PCDH7: variants seen among roughly 807,000 people sequenced by gnomAD.
PCDH7 encodes the protein protocadherin-7.
In PCDH7, 17 loss-of-function variants were observed where a neutral mutation model predicts 58.9. The observed-to-expected ratio is 0.29, with a 90% confidence interval of 0.20 to 0.43. PCDH7 has a LOEUF of 0.43. Ranked by LOEUF, PCDH7 falls within the 20% of genes least tolerant of loss-of-function variation. PCDH7 has a pLI of 1.00. For missense variants in PCDH7, 1,274 were observed against 1,441.0 expected (o/e 0.88, Z 1.88); for synonymous variants, 664 against 616.4 (o/e 1.08, Z -1.14).
rs57657077 is a variant in PCDH7 at position 30,776,858 on chromosome 4, GGT to G, written c.70+52289_70+52290del. Among the ~76,000 whole-genome samples, 735 of 147,650 alleles carry G rather than the reference GGT, an allele frequency of 5.0e-3. 8 individuals are homozygous for G. The highest frequency in any genetic ancestry group is 0.015 in the African/African-American group (589 of 40,258). ...AAATATGATTATAATTTTGATATGT[GGT>G]GTGTGTGTGTGTGTGTGTGTGTGTG... On this transcript the variant is annotated intron_variant, in intron 1 of 3. Coordinates refer to the PCDH7 transcript ENST00000509759.
intron 1 of PCDH7, among the ~76,000 whole-genome samples, chr4:30,892,359 G>A (rs1738731822): frequency 6.6e-6 from 1 of 152,010 alleles, no homozygotes; most frequent in Non-Finnish European, 1.5e-5. Flanking sequence ...AGTAGACCAC[G>A]TGGAGAGATG....
At chr4:31,023,732 A>C (rs10939326) in intron 3 of PCDH7, among the ~76,000 whole-genome samples, 1 of 151,910 alleles carries the variant, frequency 6.6e-6, no homozygotes, top group African/African-American at 2.4e-5. Flanking sequence ...TTATTTTAGA[A>C]TTACAGAAGA....
chr4:30,874,749 T>A (rs1736082009), intron 1 of PCDH7, among the ~76,000 whole-genome samples: 1 of 152,002 alleles, frequency 6.6e-6, no homozygotes, highest in Non-Finnish European at 1.5e-5. Context: ...TATTATTCAT[T>A]TTATTTAGAG....
At chr4:30,783,328 A>G (rs1234336990) in intron 1 of PCDH7, 1 of 152,200 alleles carries the variant, frequency 6.6e-6, no homozygotes, top group Non-Finnish European at 1.5e-5. Flanking sequence ...TGGAAACTTA[A>G]CATCAATTTG....
At chr4:30,788,569 C>T (rs1723715068) in intron 1 of PCDH7, among the ~76,000 whole-genome samples, 1 of 151,972 alleles carries the variant, frequency 6.6e-6, no homozygotes, top group African/African-American at 2.4e-5. Flanking sequence ...TTATAAAATG[C>T]CTATATTTCC....
chr4:30,848,246 TTGAC>T (rs67332746), intron 1 of PCDH7, among the ~76,000 whole-genome samples: 2,173 of 152,204 alleles, frequency 0.014, 45 homozygotes, highest in African/African-American at 0.05. Flanking sequence ...TAGCTAAACT[TTGAC>T]TAGGTAGCAA....
chr4:31,060,054 G>C (rs976909187), intron 3 of PCDH7, among the ~76,000 whole-genome samples: 1 of 151,694 alleles, frequency 6.6e-6, no homozygotes, highest in Non-Finnish European at 1.5e-5. Context: ...GAAATGTAGA[G>C]TGTGCTGATT....
intron 1 of PCDH7, among the ~76,000 whole-genome samples, chr4:30,740,601 G>A (rs1337654393): frequency 6.6e-6 from 1 of 151,608 alleles, no homozygotes; most frequent in African/African-American, 2.4e-5. Flanking sequence ...TTTTCATAGA[G>A]AATAACATTT....
chr4:31,029,450 G>C (rs555400573), intron 3 of PCDH7, among the ~76,000 whole-genome samples: 25 of 152,156 alleles, frequency 1.6e-4, no homozygotes, highest in Admixed American at 6.6e-5. Flanking sequence ...GATTAGAGTG[G>C]GTTCTGAGTG....
intron 3 of PCDH7, among the ~76,000 whole-genome samples, chr4:30,970,522 T>C (rs1024491833): frequency 6.6e-6 from 1 of 152,138 alleles, no homozygotes; most frequent in African/African-American, 2.4e-5. Context: ...CTCGATCTCC[T>C]GACCTAGTGA....
At chr4:30,850,017 C>T (rs1287666382) in intron 1 of PCDH7, among the ~76,000 whole-genome samples, 1 of 152,036 alleles carries the variant, frequency 6.6e-6, no homozygotes, top group South Asian at 2.1e-4. Flanking sequence ...GTTCTGTTTC[C>T]TTTGGCTAAC....
intron 3 of PCDH7, among the ~76,000 whole-genome samples, chr4:31,020,980 G>C (rs944734092): frequency 4.6e-5 from 7 of 152,080 alleles, no homozygotes; most frequent in African/African-American, 1.7e-4. Context: ...GAAGATATTT[G>C]TGTGTATTGG....
chr4:30,935,115 A>T, intron 2 of PCDH7, among the ~76,000 whole-genome samples: 1 of 152,082 alleles, frequency 6.6e-6, no homozygotes, highest in Admixed American at 6.6e-5. Flanking sequence ...TTACTTTACT[A>T]TATTTAGTGA....
chr4:30,728,429 A>G (rs891601208), intron 1 of PCDH7, among the ~76,000 whole-genome samples: 3 of 151,696 alleles, frequency 2.0e-5, no homozygotes, highest in Admixed American at 6.6e-5. Flanking sequence ...TCTCCTGTCT[A>G]TAACCAAGGA....
intron 1 of PCDH7, among the ~76,000 whole-genome samples, chr4:30,765,124 G>GTTTTTTTTTTTTT (rs1242502475): frequency 1.1e-4 from 4 of 36,024 alleles, no homozygotes; most frequent in Non-Finnish European, 2.6e-4. Flanking sequence ...GACTTCAGAT[G>GTTTTTTTTTTTTT]CTTTTTTTTT....
intron 1 of PCDH7, among the ~76,000 whole-genome samples, chr4:30,849,396 C>T (rs1732414500): frequency 6.6e-6 from 1 of 152,104 alleles, no homozygotes; most frequent in Non-Finnish European, 1.5e-5. Flanking sequence ...GCAGACTGAC[C>T]TTTCAGGGCC....
chr4:30,897,993 T>C (rs1354398132), intron 1 of PCDH7, among the ~76,000 whole-genome samples: 1 of 152,204 alleles, frequency 6.6e-6, no homozygotes. Flanking sequence ...GGAAATGTTT[T>C]TCTTTCCTCC....
chr4:31,028,527 C>T (rs754334913), intron 3 of PCDH7, among the ~76,000 whole-genome samples: 14 of 152,016 alleles, frequency 9.2e-5, no homozygotes, highest in Non-Finnish European at 1.9e-4. Context: ...CATGGTGGTA[C>T]ACCTGTAATC....
At chr4:30,927,145 G>A (rs955817904) in intron 2 of PCDH7, among the ~76,000 whole-genome samples, 12 of 152,156 alleles carry the variant, frequency 7.9e-5, no homozygotes, top group Non-Finnish European at 1.5e-4. Flanking sequence ...GCTTTTGCTT[G>A]TGTGAATTTC....
Sources: gnomAD v4.1 joint callset for allele counts (sites outside exome capture counted in the v4.1 genomes callset) on GRCh38, gnomAD v4.1.1 for gene constraint, MANE v1.5 for transcripts, NCBI Gene and HGNC (gene_info 2026-07-23, HGNC 2026-07-21) for gene names.